The following ESRRG variants were observed in gnomAD, a reference collection of about 807,000 sequenced individuals.
ESRRG encodes estrogen related receptor gamma.
A neutral mutation model predicts 44.0 loss-of-function variants in ESRRG; 13 were observed. The observed-to-expected ratio is 0.30, with a 90% CI of 0.19 to 0.47. The LOEUF (loss-of-function observed/expected upper bound fraction) is 0.47, where lower values mean the gene tolerates loss of function less well. ESRRG is among the 20% of genes least tolerant of loss of function. The pLI, the probability that ESRRG is intolerant of heterozygous loss-of-function variation, is 1.00. For synonymous variants in ESRRG, 215 were observed against 214.6 expected, an observed-to-expected ratio of 1.00 and a Z score of -0.02; for missense variants, 395 against 580.6, an observed-to-expected ratio of 0.68 and a Z score of 3.29.
At chr1:217,109,929 G>T (rs78075867) in intron 1 of ESRRG, among the ~76,000 whole-genome samples, 3 of 152,082 alleles carry the variant, frequency 2.0e-5, no homozygotes, top group African/African-American at 4.8e-5. Flanking sequence ...ATCCTTAAAG[G>T]GTCTTTAAGT....
intron 2 of ESRRG, among the ~76,000 whole-genome samples, chr1:216,865,739 A>T (rs12061381): frequency 0.05 from 7,666 of 152,202 alleles, 665 homozygotes; most frequent in African/African-American, 0.17. Flanking sequence ...AAAGTACTGA[A>T]TTTCTCTCGT....
chr1:216,724,917 G>C (rs2087174040), upstream of ESRRG, among the ~76,000 whole-genome samples: 1 of 152,088 alleles, frequency 6.6e-6, no homozygotes, highest in Admixed American at 6.6e-5. Context: ...CAGCTCTACT[G>C]CTTATCAACC....
At chr1:216,631,297 C>T (rs1558919454) in intron 3 of ESRRG, among the ~76,000 whole-genome samples, 2 of 152,156 alleles carry the variant, frequency 1.3e-5, no homozygotes, top group African/African-American at 2.4e-5. Context: ...TCTCAGTGCA[C>T]ATGAAAATCT....
intron 3 of ESRRG, among the ~76,000 whole-genome samples, chr1:216,611,883 C>A (rs2060725964): frequency 6.6e-6 from 1 of 152,126 alleles, no homozygotes; most frequent in African/African-American, 2.4e-5. Flanking sequence ...GTGAGAAGAG[C>A]ATTCCAGGTT....
At chr1:216,984,365 C>T (rs12025193) in intron 1 of ESRRG, among the ~76,000 whole-genome samples, 55,446 of 151,972 alleles carry the variant, frequency 0.36, 11,297 homozygotes, top group Non-Finnish European at 0.47. Flanking sequence ...AAAATAGCTC[C>T]CTAAACATAA....
rs531604769 is a variant in ESRRG, at chr1:217,136,407, A to C, written c.-230+1260T>G. On this transcript the variant is annotated intron_variant, in intron 1 of 8. Transcript: ENST00000366940. ...CAGAAGCGACAATAACCCACTCAGC[A>C]ACTTTACTTCAACCCTAGGCTCTGG... 9.8e-5 allele frequency among the ~76,000 whole-genome samples: 15 copies of C among 152,314 alleles called. No individual in the cohort carries two copies. The South Asian group carries it at 3.1e-3, about 32-fold the overall frequency.
intron 2 of ESRRG, among the ~76,000 whole-genome samples, chr1:216,779,468 A>T (rs866005935): frequency 1.5e-5 from 1 of 65,034 alleles, no homozygotes; most frequent in South Asian, 6.9e-4. Flanking sequence ...AAATATAAAT[A>T]TATATTTATA....
At chr1:216,973,087 T>A (rs2072038602) in intron 1 of ESRRG, among the ~76,000 whole-genome samples, 1 of 152,158 alleles carries the variant, frequency 6.6e-6, no homozygotes, top group African/African-American at 2.4e-5. Context: ...CAGCAGCCTC[T>A]CAATGAGGCT....
At chr1:216,850,601 C>T (rs2095826883) in intron 2 of ESRRG, among the ~76,000 whole-genome samples, 1 of 152,016 alleles carries the variant, frequency 6.6e-6, no homozygotes, top group African/African-American at 2.4e-5. Flanking sequence ...CTCCTATCTC[C>T]TTTGTTCCAA....
intron 1 of ESRRG, among the ~76,000 whole-genome samples, chr1:216,693,899 A>G (rs1380054697): frequency 6.6e-6 from 1 of 152,210 alleles, no homozygotes; most frequent in African/African-American, 2.4e-5. Flanking sequence ...ATTCACACAC[A>G]AAAAAAGTTG....
chr1:216,723,214 G>T, intron 1 of ESRRG, 30 bp downstream of exon 1: 1 of 1,563,008 alleles, frequency 6.4e-7, no homozygotes, highest in South Asian at 1.1e-5. Context: ...CCCACGACGA[G>T]TTTAAAAAGG....
chr1:216,641,468 A>C (rs1365454030), intron 3 of ESRRG, among the ~76,000 whole-genome samples: 1 of 152,232 alleles, frequency 6.6e-6, no homozygotes, highest in East Asian at 1.9e-4. Context: ...ATAATACTCC[A>C]GTGGTACACT....
intron 2 of ESRRG, among the ~76,000 whole-genome samples, chr1:216,661,350 T>C (rs1208270146): frequency 6.6e-6 from 1 of 152,222 alleles, no homozygotes; most frequent in Admixed American, 6.5e-5. Flanking sequence ...ACATCAATTT[T>C]TACATGTTAT....
At chr1:217,078,547 C>G (rs1375926593) in intron 1 of ESRRG, among the ~76,000 whole-genome samples, 1 of 152,132 alleles carries the variant, frequency 6.6e-6, no homozygotes, top group African/African-American at 2.4e-5. Context: ...AGTATCTCCC[C>G]ACCAGGTTTC....
intron 2 of ESRRG, among the ~76,000 whole-genome samples, chr1:216,749,205 C>A (rs955260528): frequency 2.6e-5 from 4 of 151,702 alleles, no homozygotes; most frequent in Non-Finnish European, 5.9e-5. Context: ...GTCTCTGTGG[C>A]AAACTGCTGT....
Position 217,016,558 on chromosome 1 carries a change from C to G in ESRRG, c.-106+72949G>C, listed in dbSNP as rs564535108. On this transcript the variant is annotated intron_variant, in intron 1 of 7. Transcript: ENST00000359162. ...TCTACTACCAGTTATCATCATCATC[C>G]TCATCATCATTGTCATTATCATCAC... Among the ~76,000 whole-genome samples the G allele has an allele frequency of 6.6e-5, 10 of 152,202 alleles. No homozygotes were observed. In the South Asian group the frequency reaches 1.2e-3, roughly 19 times the overall value.
intron 1 of ESRRG, among the ~76,000 whole-genome samples, chr1:217,001,142 C>T (rs886873612): frequency 6.6e-6 from 1 of 152,220 alleles, no homozygotes. Context: ...CAACTAATTT[C>T]TTCCTTTAAG....
At chr1:216,829,844 G>A (rs944616248) in intron 2 of ESRRG, among the ~76,000 whole-genome samples, 5 of 151,980 alleles carry the variant, frequency 3.3e-5, no homozygotes, top group African/African-American at 7.2e-5. Flanking sequence ...GTGAGCCACC[G>A]CGCCCGGCCT....
intron 2 of ESRRG, among the ~76,000 whole-genome samples, chr1:216,823,298 G>A (rs1433866091): frequency 6.6e-6 from 1 of 152,092 alleles, no homozygotes; most frequent in Non-Finnish European, 1.5e-5. Context: ...TTACAATGAT[G>A]AAATCAATTG....
Sources: allele counts gnomAD v4.1 joint callset (sites outside exome capture counted in the v4.1 genomes callset), GRCh38; gene constraint gnomAD v4.1.1; transcripts MANE v1.5; gene names NCBI Gene and HGNC (gene_info 2026-07-23, HGNC 2026-07-21).